Variants in IL10RB observed in about 807,000 individuals in gnomAD.
IL10RB encodes interleukin-10 receptor subunit beta.
A neutral mutation model predicts 38.7 loss-of-function variants in IL10RB; 30 were observed. The ratio of observed to expected loss-of-function variants is 0.78; its 90% CI spans 0.58 to 1.05. The LOEUF (loss-of-function observed/expected upper bound fraction) is 1.05. Ranked by LOEUF, IL10RB falls within the 50% of genes least tolerant of loss-of-function variation. IL10RB has a pLI of 0.00. For synonymous variants in IL10RB, 142 were observed against 145.9 expected (o/e 0.97, Z 0.19); for missense variants, 328 against 397.1 (o/e 0.83, Z 1.48).
intron 6 of IL10RB, among the ~76,000 whole-genome samples, chr21:33,295,254 A>C (rs1410557147): frequency 6.8e-6 from 1 of 146,918 alleles, no homozygotes; most frequent in Non-Finnish European, 1.5e-5. Context: ...GCTACTCGGG[A>C]GGCTGAGGCA....
chr21:33,304,878 C>G (rs955634343), intron 1 of IL10RB, among the ~76,000 whole-genome samples: 3 of 152,190 alleles, frequency 2.0e-5, no homozygotes, highest in African/African-American at 7.2e-5. Flanking sequence ...TGTCTTGTCT[C>G]AGGCTGTACT....
At chr21:33,278,954 T>C (rs965872713) in intron 3 of IL10RB, among the ~76,000 whole-genome samples, 2 of 152,230 alleles carry the variant, frequency 1.3e-5, no homozygotes, top group African/African-American at 2.4e-5. Context: ...ATAGTTATTA[T>C]TGAGTACATC....
chr21:33,298,872 A>G (rs2082977915), downstream of IL10RB, among the ~76,000 whole-genome samples: 1 of 152,162 alleles, frequency 6.6e-6, no homozygotes, highest in South Asian at 2.1e-4. Flanking sequence ...AGTACATCCA[A>G]TATGGAGGTT....
downstream of IL10RB, among the ~76,000 whole-genome samples, chr21:33,300,827 A>T (rs993166123): frequency 6.6e-6 from 1 of 151,808 alleles, no homozygotes; most frequent in African/African-American, 2.4e-5. Context: ...AACCAGAGCG[A>T]CTCCATCTTG....
At chr21:33,272,741 G>T (rs987943522) in intron 2 of IL10RB, among the ~76,000 whole-genome samples, 1 of 152,150 alleles carries the variant, frequency 6.6e-6, no homozygotes, top group African/African-American at 2.4e-5. Flanking sequence ...CCACTGAGCC[G>T]GGCCAGCTCC....
chr21:33,274,572 C>G (rs1282872829), intron 2 of IL10RB, among the ~76,000 whole-genome samples: 1 of 152,196 alleles, frequency 6.6e-6, no homozygotes, highest in Non-Finnish European at 1.5e-5. Context: ...ATGAAAACAG[C>G]ATTAATTTCC....
intron 3 of IL10RB, among the ~76,000 whole-genome samples, chr21:33,278,046 CAAAAAA>C (rs58709699): frequency 1.9e-4 from 22 of 118,902 alleles, no homozygotes; most frequent in East Asian, 4.8e-4. Context: ...AAAAAAATAC[CAAAAAA>C]AAAAAAAAAA....
In IL10RB at chr21:33,275,117, C is replaced by A. The variant is rs8178468; in HGVS notation, c.174-1479C>A. The stretch of plus-strand genomic sequence containing the variant: ...TATGGAGATGGCTTCTGTCCTTAAA[C>A]CTTATGAACCAACCTCTGCTAACTT... On this transcript the variant is annotated intron_variant, in intron 2 of 6. Coordinates refer to ENST00000290200, the MANE Select transcript of IL10RB (RefSeq NM_000628.5). Among the ~76,000 whole-genome samples the A allele has an allele frequency of 5.8e-3, 883 of 151,226 alleles. 11 individuals are homozygous for A. The highest frequency in any genetic ancestry group is 0.02 in the African/African-American group (842 of 41,198).
chr21:33,281,545 C>T (rs2849999), intron 4 of IL10RB, among the ~76,000 whole-genome samples: 1 of 151,980 alleles, frequency 6.6e-6, no homozygotes, highest in African/African-American at 2.4e-5. Context: ...CTGCACTGCT[C>T]CTCTCACAGG....
intron 6 of IL10RB, among the ~76,000 whole-genome samples, chr21:33,294,949 G>A (rs1358881736): frequency 6.6e-6 from 1 of 152,188 alleles, no homozygotes; most frequent in East Asian, 1.9e-4. Context: ...AGGAGCCCTG[G>A]CTACAGGTGA....
intron 6 of IL10RB, chr21:33,293,902 C>A (rs1989538335): frequency 6.9e-6 from 3 of 435,776 alleles, no homozygotes; most frequent in African/African-American, 2.1e-5. Context: ...GCAGGAAGAA[C>A]AAAGAATGAG....
intron 1 of IL10RB, chr21:33,308,923 T>C (rs776474819): frequency 6.6e-6 from 1 of 152,242 alleles, no homozygotes; most frequent in Non-Finnish European, 1.5e-5. Context: ...AAGGTGTTAA[T>C]TTAGTACAAA....
At chr21:33,301,349 C>T (rs975697077), downstream of IL10RB, among the ~76,000 whole-genome samples, 3 of 152,140 alleles carry the variant, frequency 2.0e-5, no homozygotes, top group African/African-American at 4.8e-5. Flanking sequence ...GTTTCCATGC[C>T]CATGAGAACT....
chr21:33,301,635 T>A (rs1054131272), downstream of IL10RB, among the ~76,000 whole-genome samples: 6 of 152,254 alleles, frequency 3.9e-5, no homozygotes, highest in African/African-American at 1.4e-4. Flanking sequence ...ACCTGCCCTA[T>A]GGAGCTGATG....
At chr21:33,268,018 T>C in intron 1 of IL10RB, 3 of 353,424 alleles carry the variant, frequency 8.5e-6, no homozygotes, top group Middle Eastern at 1.0e-3. Flanking sequence ...CACCAGCTGC[T>C]TAAGCCCAAA....
rs45513701 is a variant in IL10RB at position 33,279,654 on chromosome 21, C to T, written c.332-98C>T. The T allele has an allele frequency of 1.6e-5, 16 of 1,013,008 alleles. 1 individual carries two copies. The Admixed American group carries it at 1.7e-4, about 11-fold the overall frequency. The allele number at this position is 1,013,008 out of a possible 1,614,324, so 62.8% of individuals were successfully genotyped here. A position where few individuals can be genotyped will look rare whatever the true frequency, so the allele number is the denominator to read the frequency against. On this transcript the variant is annotated intron_variant, in intron 3 of 6. Coordinates refer to ENST00000290200, the MANE Select transcript of IL10RB (RefSeq NM_000628.5). Reference sequence around the variant, plus strand: ...GACAATAGTATATCAAAGCAGTGTACTTCCGTGGACTAATTGTTCTGCATG... The same window carrying T: ...GACAATAGTATATCAAAGCAGTGTATTTCCGTGGACTAATTGTTCTGCATG...
intron 1 of IL10RB, 115 bp from the exon 2 acceptor site, chr21:33,268,279 C>T (rs559970971): frequency 5.9e-5 from 92 of 1,571,472 alleles, no homozygotes; most frequent in African/African-American, 1.4e-4. Flanking sequence ...CCCTCACCCA[C>T]GTGGCCTTTG....
intron 6 of IL10RB, among the ~76,000 whole-genome samples, chr21:33,291,854 C>T (rs1476927017): frequency 6.6e-6 from 1 of 152,128 alleles, no homozygotes; most frequent in Non-Finnish European, 1.5e-5. Flanking sequence ...TTGGACATTC[C>T]ACAGCAGTGG....
At chr21:33,267,364 A>C (rs8178442) in intron 1 of IL10RB, among the ~76,000 whole-genome samples, 102 of 151,752 alleles carry the variant, frequency 6.7e-4, no homozygotes, top group African/African-American at 2.3e-3. Flanking sequence ...TAGGCCCATG[A>C]CTCGCACATT....
Sources: gnomAD v4.1 joint callset for allele counts (sites outside exome capture counted in the v4.1 genomes callset) on GRCh38, gnomAD v4.1.1 for gene constraint, MANE v1.5 for transcripts, NCBI Gene and HGNC (gene_info 2026-07-23, HGNC 2026-07-21) for gene names.